Variants in VKORC1 observed in about 807,000 individuals in gnomAD.
VKORC1 encodes phylloquinone epoxide reductase.
VKORC1 carries 12 observed loss-of-function variants against 14.8 expected under a neutral mutation model. The ratio of observed to expected loss-of-function variants is 0.81; its 90% CI spans 0.52 to 1.31. The LOEUF (loss-of-function observed/expected upper bound fraction) is 1.31, where lower values mean the gene tolerates loss of function less well. VKORC1 is among the 50% of genes most tolerant of loss of function. The pLI is 0.00. For missense variants in VKORC1, 223 were observed against 215.3 expected (o/e 1.04, Z -0.22); for synonymous variants, 94 against 92.5 (o/e 1.02, Z -0.09).
intron 1 of VKORC1, 159 bp downstream of exon 1, chr16:31,094,398 A>G (rs758123471): frequency 1.2e-6 from 2 of 1,612,698 alleles, no homozygotes; most frequent in Non-Finnish European, 1.7e-6. Context: ...TATTTCGAAC[A>G]CCAGTATCGC....
At chr16:31,091,733 A>G (rs2057291716) in intron 2 of VKORC1, among the ~76,000 whole-genome samples, 1 of 152,228 alleles carries the variant, frequency 6.6e-6, no homozygotes, top group South Asian at 2.1e-4. Context: ...ATAAAAATAC[A>G]AAAATTAGCC....
At chr16:31,093,543 C>T in intron 1 of VKORC1, 122 bp from the exon 2 acceptor site, 1 of 1,555,164 alleles carries the variant, frequency 6.4e-7, no homozygotes, top group Non-Finnish European at 8.7e-7. Flanking sequence ...CCCGACCTCC[C>T]ATCCTAGTCC....
rs191619949 is a variant in VKORC1 at position 31,091,112 on chromosome 16, C to A, written c.*22G>T. On this transcript the variant is annotated 3_prime_UTR_variant, in exon 3 of 3. Transcript: ENST00000394975. Reference sequence around the variant, plus strand: ...CATGCCAAAGCAAAGCAGATGAGGTCAGCCTGGCTTGGGTTGAGGGCTCAG... The same window carrying A: ...CATGCCAAAGCAAAGCAGATGAGGTAAGCCTGGCTTGGGTTGAGGGCTCAG... 5.8e-5 allele frequency: 94 copies of A among 1,612,348 alleles called. No homozygotes were observed. In the African/African-American group the frequency reaches 7.1e-4, roughly 12 times the overall value.
intron 1 of VKORC1, chr16:31,094,195 C>T: frequency 1.3e-6 from 2 of 1,591,206 alleles, no homozygotes; most frequent in South Asian, 2.3e-5. Context: ...ACCGGGCCAC[C>T]TTGTTCCTGG....
Position 31,094,784 on chromosome 16 carries a change from G to A in VKORC1, c.-55C>T, listed in dbSNP as rs979466695. 2 of 1,548,532 alleles carry A rather than the reference G, an allele frequency of 1.3e-6. No homozygotes were observed. The highest frequency in any genetic ancestry group is 1.2e-5 in the South Asian group (1 of 85,024). On this transcript the variant is annotated 5_prime_UTR_variant, in exon 1 of 3. Transcript: ENST00000394975. ...GGAGAAAACCAGCCACGGAGCAGGG[G>A]CCGGGCGGCGAATGGCCGCGCCCCT...
Position 31,094,071 on chromosome 16 carries a change from G to T in VKORC1, c.173+486C>A, listed in dbSNP as rs13337470. The T allele has an allele frequency of 1.1e-3, 1,404 of 1,263,550 alleles. 14 individuals are homozygous for T. The African/African-American group carries it at 0.019, about 18-fold the overall frequency. The allele number at this position is 1,263,550 out of a possible 1,614,324, so 78.3% of individuals were successfully genotyped here. A position where few individuals can be genotyped will look rare whatever the true frequency, so the allele number is the denominator to read the frequency against. On this transcript the variant is annotated intron_variant, in intron 1 of 2. Transcript: ENST00000394975. ...CTCGGTTTTGCATCAGAGACTGGGA[G>T]TCGGGGGCAGATTATCTTTGCCCTG...
intron 1 of VKORC1, chr16:31,093,765 G>A: frequency 3.8e-6 from 1 of 264,970 alleles, no homozygotes; most frequent in South Asian, 4.4e-5. Context: ...GGAGTGCAGT[G>A]GCGCGATCTC....
chr16:31,093,054 G>A (rs2143907200), intron 2 of VKORC1, among the ~76,000 whole-genome samples: 1 of 152,002 alleles, frequency 6.6e-6, no homozygotes, highest in South Asian at 2.1e-4. Flanking sequence ...GCCAGACCCT[G>A]TCTCAAAACA....
Position 31,091,123 on chromosome 16 carries a change from G to T in VKORC1, c.*11C>A. 6.2e-7 allele frequency: 1 copy of T among 1,613,006 alleles called. No homozygotes were observed. On this transcript the variant is annotated 3_prime_UTR_variant, in exon 3 of 3. Coordinates refer to ENST00000394975, the MANE Select transcript of VKORC1 (RefSeq NM_024006.6). ...AAAGCAGATGAGGTCAGCCTGGCTTGGGTTGAGGGCTCAGTGCCTCTTAGC... is the reference window on the plus strand; with the variant it reads ...AAAGCAGATGAGGTCAGCCTGGCTTTGGTTGAGGGCTCAGTGCCTCTTAGC...
chr16:31,092,929 C>G (rs1363576563), intron 2 of VKORC1: 3 of 469,756 alleles, frequency 6.4e-6, no homozygotes, highest in Non-Finnish European at 1.1e-5. Context: ...GTGATTCCAG[C>G]TGCTTGGGAG....
chr16:31,091,437 G>A, intron 2 of VKORC1, 95 bp from the exon 3 acceptor site: 1 of 1,542,638 alleles, frequency 6.5e-7, no homozygotes, highest in Non-Finnish European at 8.7e-7. Context: ...GCCAGGAGCT[G>A]CTGGGAAGGG....
intron 1 of VKORC1, 124 bp from the exon 2 acceptor site, chr16:31,093,545 T>C: frequency 6.4e-7 from 1 of 1,555,198 alleles, no homozygotes; most frequent in Non-Finnish European, 8.7e-7. Flanking sequence ...CGACCTCCCA[T>C]CCTAGTCCAA....
chr16:31,092,039 G>A (rs763166178), intron 2 of VKORC1, among the ~76,000 whole-genome samples: 7 of 151,862 alleles, frequency 4.6e-5, no homozygotes, highest in Non-Finnish European at 1.0e-4. Flanking sequence ...TTAGCTGGGC[G>A]TGGTGACACG....
chr16:31,091,462 G>C, intron 2 of VKORC1, 120 bp from the exon 3 acceptor site: 3 of 1,527,082 alleles, frequency 2.0e-6, no homozygotes, highest in Non-Finnish European at 2.6e-6. Flanking sequence ...TAAAACAAGA[G>C]GCTCCAGGGC....
chr16:31,093,525 C>T (rs1409385917), intron 1 of VKORC1, 104 bp from the exon 2 acceptor site: 2 of 1,573,036 alleles, frequency 1.3e-6, no homozygotes, highest in East Asian at 2.3e-5. Flanking sequence ...CTGGGCTATC[C>T]TCTGTTCCCC....
At chr16:31,093,643 C>A (rs547738904) in intron 1 of VKORC1, 8 of 1,148,282 alleles carry the variant, frequency 7.0e-6, no homozygotes, top group Non-Finnish European at 8.4e-6. Context: ...CCAGACCAGG[C>A]CCGGACGTGG....
Position 31,094,767 on chromosome 16 carries a change from C to T in VKORC1, c.-38G>A. On this transcript the variant is annotated 5_prime_UTR_variant, in exon 1 of 3. Coordinates refer to ENST00000394975, the MANE Select transcript of VKORC1 (RefSeq NM_024006.6). ...CCGCCCGAGGCGCCCGCGGAGAAAA[C>T]CAGCCACGGAGCAGGGGCCGGGCGG... 1.3e-6 allele frequency: 2 copies of T among 1,568,010 alleles called. No individual in the cohort carries two copies. Among genetic ancestry groups the T allele is most frequent in the Non-Finnish European group, 1.7e-6 (2 of 1,161,242 alleles).
Position 31,093,329 on chromosome 16 carries a change from G to C in VKORC1, c.266C>G (p.Thr89Arg). 1 of 1,613,962 alleles carries C rather than the reference G, an allele frequency of 6.2e-7. No individual in the cohort carries two copies. Among genetic ancestry groups the C allele is most frequent in the Non-Finnish European group, 8.5e-7 (1 of 1,180,014 alleles). ...CCACTCACCTAACAATAGCTGTAGT[G>C]TGTAGAAGATGCAACCGAATATGCT... ...SNSIFGCIFY[T>R]LQLLLGCLRT... is the part of the protein sequence containing the mutation. The change falls in exon 2 of 3, where the codon ACA (threonine) becomes AGA (arginine). Residue 89 changes from threonine (T) to arginine (R), a missense_variant. Coordinates refer to ENST00000394975, the MANE Select transcript of VKORC1 (RefSeq NM_024006.6).
At position 31,093,576 on chromosome 16, in the gene VKORC1, C is replaced by T. The variant is rs1596797169; in HGVS notation, c.174-155G>A. On this transcript the variant is annotated intron_variant, in intron 1 of 2. Transcript: ENST00000394975. ...TCCAAGGGTCGATGATCTCCTGGCA[C>T]CGGGCACCTTTGGCCACGTCAGGAT... is the stretch of plus-strand genomic sequence containing the variant. The T allele has an allele frequency of 3.3e-6, 5 of 1,525,002 alleles. No individual in the cohort carries two copies. The East Asian group carries it at 1.2e-4, about 37-fold the overall frequency. 94.5% of individuals were successfully genotyped at this position (1,525,002 alleles called of 1,614,324 possible).
Sources: allele counts gnomAD v4.1 joint callset (sites outside exome capture counted in the v4.1 genomes callset), GRCh38; gene constraint gnomAD v4.1.1; transcripts MANE v1.5; gene names NCBI Gene and HGNC (gene_info 2026-07-23, HGNC 2026-07-21).